The following PLEKHM2 variants were observed in gnomAD, a reference collection of about 807,000 sequenced individuals.
PLEKHM2 encodes pleckstrin homology and RUN domain containing M2, also known as pleckstrin homology domain-containing family M member 2.
PLEKHM2 carries 77 observed loss-of-function variants against 116.3 expected under a neutral mutation model. The observed-to-expected ratio is 0.66, with a 90% CI of 0.55 to 0.80. The LOEUF (loss-of-function observed/expected upper bound fraction) is 0.80, where lower values mean the gene tolerates loss of function less well. Ranked by LOEUF, PLEKHM2 falls within the 30% of genes least tolerant of loss-of-function variation. PLEKHM2 has a pLI of 0.00. For missense variants in PLEKHM2, 1,183 were observed against 1,354.9 expected, an observed-to-expected ratio of 0.87 and a Z score of 1.99; for synonymous variants, 562 against 571.0, an observed-to-expected ratio of 0.98 and a Z score of 0.22.
chr1:15,682,638 C>CAAAAAAAAAAAAAAAAAAAA (rs1261914010), upstream of PLEKHM2, among the ~76,000 whole-genome samples: 1 of 70,790 alleles, frequency 1.4e-5, no homozygotes, highest in Non-Finnish European at 2.8e-5. Flanking sequence ...CAAAACAAAA[C>CAAAAAAAAAAAAAAAAAAAA]AAAACAAAAA....
At chr1:15,685,541 G>GAAAAAAAAA (rs200301672) in intron 1 of PLEKHM2, among the ~76,000 whole-genome samples, 246 of 72,628 alleles carry the variant, frequency 3.4e-3, no homozygotes, top group Middle Eastern at 7.8e-3. Context: ...CTCAGAAACT[G>GAAAAAAAAA]AAAAAAAAAA....
At chr1:15,712,646 T>TC (rs2148353031) in intron 1 of PLEKHM2, among the ~76,000 whole-genome samples, 1 of 149,916 alleles carries the variant, frequency 6.7e-6, no homozygotes, top group African/African-American at 2.5e-5. Context: ...GATCTTATTT[T>TC]CCTTTTTTTT....
intron 1 of PLEKHM2, among the ~76,000 whole-genome samples, chr1:15,702,900 A>AG (rs1224469403): frequency 6.6e-6 from 1 of 151,778 alleles, no homozygotes; most frequent in Non-Finnish European, 1.5e-5. Flanking sequence ...TTAAAAAAAA[A>AG]AAAAGTTGCT....
chr1:15,709,930 A>G (rs1379534726), intron 1 of PLEKHM2, among the ~76,000 whole-genome samples: 2 of 152,278 alleles, frequency 1.3e-5, no homozygotes, highest in South Asian at 4.1e-4. Context: ...TGGATTCAGT[A>G]TAATTCTAGT....
intron 15 of PLEKHM2, among the ~76,000 whole-genome samples, chr1:15,730,986 G>A (rs980734002): frequency 3.9e-5 from 6 of 152,122 alleles, no homozygotes; most frequent in Admixed American, 6.5e-5. Flanking sequence ...CTTGAGCTGC[G>A]CCCCAGGTCT....
chr1:15,719,223 G>T lies in PLEKHM2; in HGVS notation c.466-511G>T, dbSNP rs1271244477. 2.6e-5 allele frequency among the ~76,000 whole-genome samples: 4 copies of T among 152,164 alleles called. No homozygotes were observed. Among genetic ancestry groups the T allele is most frequent in the Non-Finnish European group, 5.9e-5 (4 of 68,024 alleles). On this transcript the variant is annotated intron_variant, in intron 5 of 19. Transcript: ENST00000375799. This position sits in a 1 kb window ranked among gnomAD's most constrained non-coding sequence, Gnocchi z 4.1. ...CCAGCACTTTGGGAGGCTGAGGTGG[G>T]TGGATCACCTGAGGTCAGGAGTTCG...
At position 15,721,369 on chromosome 1, in the gene PLEKHM2, AC is replaced by A; in HGVS notation, c.696del (p.Ser233AlafsTer23). The A allele has an allele frequency of 1.3e-6, 2 of 1,568,914 alleles. No homozygotes were observed. Among genetic ancestry groups the A allele is most frequent in the South Asian group, 1.2e-5 (1 of 85,276 alleles). On this transcript the variant is annotated frameshift_variant, in exon 7 of 20. Coordinates refer to ENST00000375799, the MANE Select transcript of PLEKHM2 (RefSeq NM_015164.4). LOFTEE classifies it high-confidence loss of function. The surrounding 1 kb of genome is among the most constrained non-coding windows in gnomAD (Gnocchi z 5.1). ...GDVFPAVPSV[P>X]STDWEDGDLT... ...ATGTGTTTCCAGCAGTGCCGTCTGT[AC>A]CCAGCACAGACTGGGAAGGTGGGCC... is the stretch of plus-strand genomic sequence containing the variant.
chr1:15,684,697 G>GGCGACCCTGCTGCAGGGACTC, intron 1 of PLEKHM2, 79 bp downstream of exon 1: 1 of 795,234 alleles, frequency 1.3e-6, no homozygotes, highest in Non-Finnish European at 1.7e-6. Context: ...CTCCCGGGCC[G>GGCGACCCTGCTGCAGGGACTC]GGGCCCCCCG....
intron 1 of PLEKHM2, among the ~76,000 whole-genome samples, chr1:15,712,511 T>C (rs1294533639): frequency 6.6e-6 from 1 of 152,210 alleles, no homozygotes; most frequent in African/African-American, 2.4e-5. Flanking sequence ...TATTATGTGC[T>C]ATGTCCAGGA....
intron 1 of PLEKHM2, among the ~76,000 whole-genome samples, chr1:15,701,952 G>A (rs1377937558): frequency 6.6e-6 from 1 of 152,344 alleles, no homozygotes; most frequent in East Asian, 1.9e-4. Flanking sequence ...TGCAAGCTCG[G>A]GGGGGTAGTC....
At chr1:15,730,276 A>C (rs1038253575) in intron 14 of PLEKHM2, among the ~76,000 whole-genome samples, 1 of 152,214 alleles carries the variant, frequency 6.6e-6, no homozygotes, top group Non-Finnish European at 1.5e-5. Context: ...CCCCGTCTCT[A>C]CTAAAAATAC....
chr1:15,728,703 C>A lies in PLEKHM2; in HGVS notation c.1956C>A (p.Ala652=). Residue 652 remains alanine, a synonymous_variant, in exon 12 of 20, where the codon GCC becomes GCA. Coordinates refer to ENST00000375799, the MANE Select transcript of PLEKHM2 (RefSeq NM_015164.4). This position sits in a 1 kb window ranked among gnomAD's most constrained non-coding sequence, Gnocchi z 5.9. ...AGAAGCCATACCTGGTGGAAGAGGCCGTTTCTTACAATGAACTTGACTATG... is the reference window on the plus strand; with the variant it reads ...AGAAGCCATACCTGGTGGAAGAGGCAGTTTCTTACAATGAACTTGACTATG... ...ATEKPYLVEE[A]VSYNELDYVS... 6.2e-7 allele frequency: 1 copy of A among 1,611,488 alleles called. No homozygotes were observed. The highest frequency in any genetic ancestry group is 8.5e-7 in the Non-Finnish European group (1 of 1,178,848).
intron 7 of PLEKHM2, among the ~76,000 whole-genome samples, 180 bp from the exon 8 acceptor site, chr1:15,725,137 A>G (rs1388094351): frequency 6.6e-6 from 1 of 152,174 alleles, no homozygotes; most frequent in African/African-American, 2.4e-5. Flanking sequence ...AGTTGCTCCT[A>G]AAGTACAAAA....
Position 15,727,485 on chromosome 1 carries a change from T to A in PLEKHM2, c.1413T>A (p.Ser471Arg). 6.3e-7 allele frequency: 1 copy of A among 1,595,316 alleles called. No individual in the cohort carries two copies. Among genetic ancestry groups the A allele is most frequent in the Non-Finnish European group, 8.5e-7 (1 of 1,171,994 alleles). ...ACTTCTACCGCTTTACCGTCGAGAGTCCAAGCACTGTTACATCAGGTGGCG... is the reference window on the plus strand; with the variant it reads ...ACTTCTACCGCTTTACCGTCGAGAGACCAAGCACTGTTACATCAGGTGGCG... Reference protein sequence around the residue: ...PMDFYRFTVESPSTVTSGGGH... With the variant: ...PMDFYRFTVERPSTVTSGGGH... Residue 471 changes from serine to arginine, a missense_variant, in exon 9 of 20, where the codon AGT becomes AGA. Ser to Arg is a moderately radical substitution (Grantham distance 110). Transcript: ENST00000375799. This position sits in a 1 kb window ranked among gnomAD's most constrained non-coding sequence, Gnocchi z 7.5.
At chr1:15,686,118 C>G (rs911572971) in intron 1 of PLEKHM2, among the ~76,000 whole-genome samples, 1 of 152,192 alleles carries the variant, frequency 6.6e-6, no homozygotes. Flanking sequence ...AAGCATGAGT[C>G]TTTTGAAGGC....
chr1:15,689,245 CA>C (rs34554449), intron 1 of PLEKHM2, among the ~76,000 whole-genome samples: 196 of 95,504 alleles, frequency 2.1e-3, no homozygotes, highest in Admixed American at 5.2e-3. Context: ...AACTCCGTCT[CA>C]AAAAAAAAAA....
chr1:15,691,364 A>G (rs1049889683), intron 1 of PLEKHM2, among the ~76,000 whole-genome samples: 2 of 152,176 alleles, frequency 1.3e-5, no homozygotes, highest in Non-Finnish European at 2.9e-5. Flanking sequence ...GAGCCACTGC[A>G]CTTGGCCGTA....
chr1:15,684,295 T>C (rs1177920403), upstream of PLEKHM2: 2 of 156,740 alleles, frequency 1.3e-5, no homozygotes, highest in Non-Finnish European at 2.7e-5. Context: ...CTGACATCAG[T>C]TCCTGCCGCC....
intron 3 of PLEKHM2, 132 bp from the exon 4 acceptor site, chr1:15,717,761 C>T (rs74361908): frequency 1.6e-6 from 1 of 630,014 alleles, no homozygotes; most frequent in Non-Finnish European, 2.9e-6. Context: ...TATGGTACCC[C>T]ACCAAGCACA....
Sources: gnomAD v4.1 joint callset for allele counts (sites outside exome capture counted in the v4.1 genomes callset) on GRCh38, gnomAD v4.1.1 for gene constraint, Gnocchi (gnomAD v3.1) non-coding constraint, MANE v1.5 for transcripts, NCBI Gene and HGNC (gene_info 2026-07-23, HGNC 2026-07-21) for gene names.